The following ESRRG variants were observed in gnomAD, a reference collection of about 807,000 sequenced individuals.
ESRRG encodes estrogen-related receptor gamma.
ESRRG carries 13 observed loss-of-function variants against 44.0 expected under a neutral mutation model. That is an observed-to-expected ratio of 0.30 (90% CI 0.19 to 0.47). The LOEUF (loss-of-function observed/expected upper bound fraction) is 0.47, where lower values mean the gene tolerates loss of function less well. Among genes scored for constraint, ESRRG ranks in the 20% least tolerant of loss-of-function variants. ESRRG has a pLI of 1.00. For synonymous variants in ESRRG, 215 were observed against 214.6 expected (o/e 1.00, Z -0.02); for missense variants, 395 against 580.6 (o/e 0.68, Z 3.29).
intron 2 of ESRRG, among the ~76,000 whole-genome samples, chr1:216,926,151 G>A (rs995566052): frequency 2.6e-5 from 4 of 152,094 alleles, no homozygotes; most frequent in African/African-American, 9.7e-5. Flanking sequence ...GGAGCACCTC[G>A]GGCACTTATT....
intron 2 of ESRRG, among the ~76,000 whole-genome samples, chr1:216,657,113 T>C (rs966174572): frequency 9.2e-5 from 14 of 152,204 alleles, no homozygotes; most frequent in Admixed American, 7.2e-4. Context: ...TTCCTTTTTT[T>C]CTTTGTTTTT....
chr1:216,914,107 C>G (rs914934665), intron 2 of ESRRG, among the ~76,000 whole-genome samples: 5 of 150,958 alleles, frequency 3.3e-5, no homozygotes, highest in Admixed American at 6.6e-5. Flanking sequence ...CTCCCCCCAT[C>G]CTTTTTTTTT....
chr1:217,087,338 A>G (rs960346582), intron 1 of ESRRG, among the ~76,000 whole-genome samples: 1 of 152,226 alleles, frequency 6.6e-6, no homozygotes, highest in Non-Finnish European at 1.5e-5. Flanking sequence ...TCAGAACTCA[A>G]AATGAAAGCT....
intron 1 of ESRRG, among the ~76,000 whole-genome samples, chr1:216,995,294 G>A (rs12040129): frequency 0.37 from 55,764 of 152,014 alleles, 11,340 homozygotes; most frequent in Middle Eastern, 0.47. Context: ...TGACTGAAAC[G>A]ACTTCCTCAC....
At chr1:216,679,318 C>G (rs1438786824) in intron 1 of ESRRG, among the ~76,000 whole-genome samples, 2 of 152,124 alleles carry the variant, frequency 1.3e-5, no homozygotes, top group Non-Finnish European at 2.9e-5. Flanking sequence ...CTCTCCTTGT[C>G]TCCTTAGCAC....
In ESRRG at chr1:216,507,022, C is replaced by T. The variant is rs1171465044; in HGVS notation, c.1294G>A (p.Val432Met). 30 of 1,613,980 alleles carry T rather than the reference C, an allele frequency of 1.9e-5. No homozygotes were observed. The highest frequency in any genetic ancestry group is 4.4e-5 in the South Asian group (4 of 91,092). The change falls in exon 7 of 7, where the codon GTG (valine) becomes ATG (methionine). Residue 432 changes from valine to methionine, a missense_variant. Physicochemically the swap from Val to Met is conservative, Grantham distance 21. Around this residue, in one of 5 missense-constraint regions of ESRRG, gnomAD observed 167 missense variants for 251.8 expected, o/e 0.66. Coordinates refer to ENST00000408911, the MANE Select transcript of ESRRG (RefSeq NM_001438.4). Reference protein sequence around the residue: ...PLLRQTSTKAVQHFYNIKLEG... With the variant: ...PLLRQTSTKAMQHFYNIKLEG... ...AGTTTGATGTTGTAGAAATGCTGCA[C>T]GGCCTTGGTAGAGGTCTGCCTCAGG...
At chr1:216,829,549 G>GTTTTTTTTTTTTTTTTTTTTT (rs66515526) in intron 2 of ESRRG, among the ~76,000 whole-genome samples, 7 of 135,636 alleles carry the variant, frequency 5.2e-5, no homozygotes, top group Non-Finnish European at 4.8e-5. Flanking sequence ...AAATGCCACA[G>GTTTTTTTTTTTTTTTTTTTTT]TTTTTTTTTT....
At chr1:216,624,522 T>A (rs888226410) in intron 3 of ESRRG, among the ~76,000 whole-genome samples, 2 of 152,282 alleles carry the variant, frequency 1.3e-5, no homozygotes, top group South Asian at 4.1e-4. Flanking sequence ...CTGGAACAGA[T>A]AATATCTTTT....
intron 5 of ESRRG, among the ~76,000 whole-genome samples, chr1:216,544,533 C>T (rs570107374): frequency 1.3e-5 from 2 of 152,110 alleles, no homozygotes; most frequent in East Asian, 3.9e-4. Context: ...GGTGCTTAAT[C>T]TGCGTTTCAT....
chr1:216,540,704 G>A (rs567114739), intron 5 of ESRRG, among the ~76,000 whole-genome samples: 398 of 151,996 alleles, frequency 2.6e-3, no homozygotes, highest in African/African-American at 9.2e-3. Context: ...TTGAGTAACC[G>A]AAATATAGGA....
intron 1 of ESRRG, among the ~76,000 whole-genome samples, chr1:217,085,006 G>C (rs762526499): frequency 3.9e-5 from 6 of 152,038 alleles, no homozygotes; most frequent in Non-Finnish European, 8.8e-5. Flanking sequence ...ATCTGTATAT[G>C]GTATACATGT....
chr1:216,679,181 C>T (rs1267001375), intron 1 of ESRRG, among the ~76,000 whole-genome samples: 1 of 152,226 alleles, frequency 6.6e-6, no homozygotes, highest in Non-Finnish European at 1.5e-5. Flanking sequence ...CTTGTGTTGT[C>T]CTTTCCTCAA....
chr1:216,930,816 T>C (rs1178813728), intron 2 of ESRRG, among the ~76,000 whole-genome samples: 1 of 152,130 alleles, frequency 6.6e-6, no homozygotes, highest in African/African-American at 2.4e-5. Context: ...CCAGTTAGCT[T>C]GTCAAAGAGT....
chr1:217,098,225 C>T (rs2092453921), intron 1 of ESRRG, among the ~76,000 whole-genome samples: 1 of 152,022 alleles, frequency 6.6e-6, no homozygotes, highest in South Asian at 2.1e-4. Flanking sequence ...TCAGCAAGCT[C>T]TTTATAAATG....
intron 2 of ESRRG, among the ~76,000 whole-genome samples, chr1:216,797,513 A>T (rs2094503255): frequency 1.3e-5 from 2 of 152,260 alleles, no homozygotes; most frequent in South Asian, 4.1e-4. Flanking sequence ...ACATAGTCTG[A>T]TAAATTCCTA....
At chr1:216,779,133 T>C (rs1367077726) in intron 2 of ESRRG, among the ~76,000 whole-genome samples, 1 of 118,278 alleles carries the variant, frequency 8.5e-6, no homozygotes, top group Non-Finnish European at 1.7e-5. Context: ...TATATGTAAA[T>C]ATAAATATAT....
intron 3 of ESRRG, among the ~76,000 whole-genome samples, chr1:216,574,392 T>C (rs1252032996): frequency 6.6e-6 from 1 of 152,040 alleles, no homozygotes; most frequent in Non-Finnish European, 1.5e-5. Flanking sequence ...AGAAGTAAAA[T>C]AGTTCAGCCC....
intron 2 of ESRRG, among the ~76,000 whole-genome samples, chr1:216,798,711 G>A (rs1246058895): frequency 6.6e-6 from 1 of 152,148 alleles, no homozygotes; most frequent in Non-Finnish European, 1.5e-5. Context: ...TGTGGTGATA[G>A]AGAAAATTGA....
At chr1:216,878,637 A>C (rs368161837) in intron 2 of ESRRG, among the ~76,000 whole-genome samples, 211 of 152,350 alleles carry the variant, frequency 1.4e-3, no homozygotes, top group Non-Finnish European at 2.6e-3. Flanking sequence ...ATTTTCAAAA[A>C]GCAACAATAC....
Sources: gnomAD v4.1 joint callset for allele counts (sites outside exome capture counted in the v4.1 genomes callset) on GRCh38, gnomAD v4.1.1 for gene constraint, gnomAD v4.1.1 regional missense constraint, MANE v1.5 for transcripts, NCBI Gene and HGNC (gene_info 2026-07-23, HGNC 2026-07-21) for gene names.